MRC2: variants seen among roughly 807,000 people sequenced by gnomAD.
MRC2 encodes C-type mannose receptor 2.
In MRC2, 84 loss-of-function variants were observed where a neutral mutation model predicts 206.2. That is an observed-to-expected ratio of 0.41 (90% CI 0.34 to 0.49). The LOEUF is 0.49. Among genes scored for constraint, MRC2 ranks in the 20% least tolerant of loss-of-function variants. MRC2 has a pLI of 0.31. For missense variants in MRC2, 1,676 were observed against 2,001.5 expected (o/e 0.84, Z 3.10); for synonymous variants, 798 against 800.0 (o/e 1.00, Z 0.04).
At chr17:62,679,933 A>G (rs760460758) in intron 14 of MRC2, 31 bp downstream of exon 14, 5 of 1,384,570 alleles carry the variant, frequency 3.6e-6, no homozygotes, top group Admixed American at 3.8e-5. Flanking sequence ...TGGGACTGCG[A>G]GGCCGGGAGC....
Position 62,666,647 on chromosome 17 carries a change from G to A in MRC2, c.859+28G>A, listed in dbSNP as rs201556805. The A allele has an allele frequency of 5.3e-4, 815 of 1,547,902 alleles. 2 individuals are homozygous for A. Among genetic ancestry groups the A allele is most frequent in the Admixed American group, 9.4e-4 (49 of 52,396 alleles). ...GAGCCGGGGCCTGATGCCTGCTCGT[G>A]CCTCTGGAGGGCCCGGGCCCTTTCC... On this transcript the variant is annotated intron_variant, in intron 4 of 29. Coordinates refer to ENST00000303375, the MANE Select transcript of MRC2 (RefSeq NM_006039.5). The surrounding 1 kb of genome is among the most constrained non-coding windows in gnomAD (Gnocchi z 5.0).
At chr17:62,689,401 CA>C (rs2089073522) in intron 23 of MRC2, 120 bp from the exon 24 acceptor site, 1 of 664,798 alleles carries the variant, frequency 1.5e-6, no homozygotes, top group Non-Finnish European at 2.6e-6. Context: ...TGGTCTGGGC[CA>C]AGCGCCGAGT....
rs759261669 is a variant in MRC2, at chr17:62,664,555, C to T, written c.126C>T (p.Asn42=). ...APGDAALPEP[N]VFLIFSHGLQ... is the part of the protein sequence containing the mutation. ...TCTTGCCTTCCCTTCCAGAACCCAA[C>T]GTCTTCCTCATCTTCAGCCATGGAC... is the stretch of plus-strand genomic sequence containing the variant. The change falls in exon 2 of 30, where the codon AAC becomes AAT. Residue 42 remains asparagine (N), a synonymous_variant. Transcript: ENST00000303375. This position sits in a 1 kb window ranked among gnomAD's most constrained non-coding sequence, Gnocchi z 4.7. The T allele has an allele frequency of 5.6e-6, 9 of 1,609,106 alleles. No homozygotes were observed. Among genetic ancestry groups the T allele is most frequent in the South Asian group, 1.1e-5 (1 of 90,390 alleles).
At chr17:62,663,993 T>C (rs1463654346) in intron 1 of MRC2, among the ~76,000 whole-genome samples, 6 of 141,788 alleles carry the variant, frequency 4.2e-5, no homozygotes, top group Non-Finnish European at 9.0e-5. Context: ...GGAGTCTCGC[T>C]CTGTCGCCCA....
intron 20 of MRC2, among the ~76,000 whole-genome samples, chr17:62,685,820 G>A (rs1448373823): frequency 2.0e-5 from 3 of 152,212 alleles, no homozygotes; most frequent in Non-Finnish European, 2.9e-5. Flanking sequence ...GGGATTACAG[G>A]TGTGCGCCAC....
chr17:62,680,745 C>T lies in MRC2; in HGVS notation c.2474-55C>T. 2.1e-6 allele frequency: 3 copies of T among 1,450,166 alleles called. No individual in the cohort carries two copies. The highest frequency in any genetic ancestry group is 3.0e-5 in the South Asian group (2 of 67,642). 89.8% of individuals were successfully genotyped at this position (1,450,166 alleles called of 1,614,324 possible). On this transcript the variant is annotated intron_variant, in intron 16 of 29. Transcript: ENST00000303375. The surrounding 1 kb of genome is among the most constrained non-coding windows in gnomAD (Gnocchi z 4.8). ...GGCCCTGCCGCGCCCGCCTCCGGGG[C>T]CTGGCGTGCAGCCTCTGCCTGGCCG...
intron 13 of MRC2, 52 bp downstream of exon 13, chr17:62,678,698 G>A: frequency 1.3e-6 from 2 of 1,579,834 alleles, no homozygotes; most frequent in Non-Finnish European, 1.7e-6. Context: ...ACGTGTAGGA[G>A]CAGGCATGGC....
chr17:62,669,195 A>T (rs576709032), intron 6 of MRC2, among the ~76,000 whole-genome samples: 36 of 152,118 alleles, frequency 2.4e-4, no homozygotes, highest in South Asian at 1.5e-3. Flanking sequence ...AGTCTTGCCA[A>T]TGATCGACTC....
At chr17:62,673,753 G>A (rs1451095895) in intron 8 of MRC2, among the ~76,000 whole-genome samples, 2 of 152,020 alleles carry the variant, frequency 1.3e-5, no homozygotes, top group Admixed American at 1.3e-4. Flanking sequence ...CAAGTGATCC[G>A]CCCACCTCGG....
At chr17:62,679,740 T>G (rs2088936969) in intron 13 of MRC2, 60 bp from the exon 14 acceptor site, 1 of 1,531,542 alleles carries the variant, frequency 6.5e-7, no homozygotes, top group African/African-American at 1.4e-5. Flanking sequence ...GGGGCACGTT[T>G]GGGTTCCTGC....
In MRC2 at chr17:62,680,383, C is replaced by A. The variant is rs767559282; in HGVS notation, c.2438-35C>A. 3 of 1,614,016 alleles carry A rather than the reference C, an allele frequency of 1.9e-6. No homozygotes were observed. The highest frequency in any genetic ancestry group is 2.5e-6 in the Non-Finnish European group (3 of 1,179,944). ...GGCCAGGAATTCCAGGGAGGGTCTC[C>A]TTTCCTCACAACGTCTTTGTCCTTG... On this transcript the variant is annotated intron_variant, in intron 15 of 29. Transcript: ENST00000303375. This position sits in a 1 kb window ranked among gnomAD's most constrained non-coding sequence, Gnocchi z 4.8.
rs372450986 is a variant in MRC2, at chr17:62,665,863, C to G, written c.521-231C>G. On this transcript the variant is annotated intron_variant, in intron 2 of 29. Transcript: ENST00000303375. The stretch of plus-strand genomic sequence containing the variant: ...GGATGGGATTAGGGGTACTAGGGAG[C>G]CCCTTCCCAGCCCTATGAGGTGTGC... Among the ~76,000 whole-genome samples, 452 of 152,268 alleles carry G rather than the reference C, an allele frequency of 3.0e-3. 5 individuals are homozygous for G. The highest frequency in any genetic ancestry group is 0.011 in the African/African-American group (438 of 41,558).
intron 1 of MRC2, among the ~76,000 whole-genome samples, chr17:62,630,416 C>T (rs940903488): frequency 3.3e-5 from 5 of 152,128 alleles, no homozygotes; most frequent in African/African-American, 7.2e-5. Context: ...GGATGCTTCC[C>T]GTCTGGAGAT....
At chr17:62,633,502 C>CAAA (rs999150702) in intron 1 of MRC2, among the ~76,000 whole-genome samples, 964 of 73,482 alleles carry the variant, frequency 0.013, 6 homozygotes, top group Non-Finnish European at 0.019. Context: ...GACTCCGTCT[C>CAAA]AAAAAAAAAA....
rs1435185948 is a variant in MRC2, at chr17:62,627,763, C to T, written c.-40C>T. 1 of 1,348,320 alleles carries T rather than the reference C, an allele frequency of 7.4e-7. No homozygotes were observed. Among genetic ancestry groups the T allele is most frequent in the East Asian group, 3.1e-5 (1 of 32,744 alleles). 83.5% of individuals were successfully genotyped at this position (1,348,320 alleles called of 1,614,324 possible). On this transcript the variant is annotated 5_prime_UTR_variant, in exon 1 of 30. Transcript: ENST00000303375. ...GCTGCCACAGCGCGTTGCGCCTGTG[C>T]GCCCTCGGTCCCCGCGTCCACTGAG...
chr17:62,629,665 A>C (rs2084200840), intron 1 of MRC2, among the ~76,000 whole-genome samples: 1 of 152,172 alleles, frequency 6.6e-6, no homozygotes, highest in South Asian at 2.1e-4. Context: ...TGCCCTGCCA[A>C]ATTCCACTGG....
At chr17:62,688,825 C>A in intron 22 of MRC2, 27 bp from the exon 23 acceptor site, 1 of 1,583,368 alleles carries the variant, frequency 6.3e-7, no homozygotes, top group Non-Finnish European at 8.6e-7. Flanking sequence ...GCTGCTGGGG[C>A]TCCCCTGAGC....
chr17:62,652,285 C>T lies in MRC2; in HGVS notation c.119-12263C>T, dbSNP rs1048534004. On this transcript the variant is annotated intron_variant, in intron 1 of 29. Transcript: ENST00000303375. The surrounding 1 kb of genome is among the most constrained non-coding windows in gnomAD (Gnocchi z 4.6). ...GTCCATGATTTTAAGAAAGGGCAGG[C>T]GCACAACACCCCCGCACGGAGAAAT... 2.6e-5 allele frequency among the ~76,000 whole-genome samples: 4 copies of T among 152,260 alleles called. No individual in the cohort carries two copies. The highest frequency in any genetic ancestry group is 9.6e-5 in the African/African-American group (4 of 41,476).
Position 62,664,029 on chromosome 17 carries a change from G to A in MRC2, c.119-519G>A, listed in dbSNP as rs946702710. 2.1e-5 allele frequency among the ~76,000 whole-genome samples: 3 copies of A among 145,784 alleles called. No individual in the cohort carries two copies. Among genetic ancestry groups the A allele is most frequent in the Admixed American group, 7.0e-5 (1 of 14,376 alleles). On this transcript the variant is annotated intron_variant, in intron 1 of 29. Transcript: ENST00000303375. This position sits in a 1 kb window ranked among gnomAD's most constrained non-coding sequence, Gnocchi z 4.7. ...GGCTGGAGTGCAGTGGCGGGATCTCGGCTCACTGCAAGCTCCGCCTCCCGG... is the reference window on the plus strand; with the variant it reads ...GGCTGGAGTGCAGTGGCGGGATCTCAGCTCACTGCAAGCTCCGCCTCCCGG...
Sources: allele counts gnomAD v4.1 joint callset (sites outside exome capture counted in the v4.1 genomes callset), GRCh38; gene constraint gnomAD v4.1.1; non-coding constraint Gnocchi (gnomAD v3.1); transcripts MANE v1.5; gene names NCBI Gene and HGNC (gene_info 2026-07-23, HGNC 2026-07-21).